LMBR1: variants seen among roughly 807,000 people sequenced by gnomAD.
The protein encoded by LMBR1 is limb development membrane protein 1, also known as limb region 1 protein homolog.
In LMBR1, 52 loss-of-function variants were observed where a neutral mutation model predicts 73.9. That is an observed-to-expected ratio of 0.70 (90% CI 0.56 to 0.89). The LOEUF is 0.89. LMBR1 is among the 40% of genes least tolerant of loss of function. The pLI is 0.00. For missense variants in LMBR1, 539 were observed against 579.8 expected (o/e 0.93, Z 0.72); for synonymous variants, 215 against 209.4 (o/e 1.03, Z -0.23).
At chr7:156,861,852 G>A (rs1239379978) in intron 1 of LMBR1, among the ~76,000 whole-genome samples, 1 of 152,126 alleles carries the variant, frequency 6.6e-6, no homozygotes, top group East Asian at 1.9e-4. Flanking sequence ...CTCCATCTGA[G>A]ACCACCTCTG....
In LMBR1 at chr7:156,722,607, T is replaced by C. The variant is rs77574662; in HGVS notation, c.1225+1505A>G. Among the ~76,000 whole-genome samples the C allele has an allele frequency of 3.8e-3, 577 of 152,288 alleles. 4 individuals carry two copies. Among genetic ancestry groups the C allele is most frequent in the Non-Finnish European group, 6.8e-3 (459 of 67,994 alleles). On this transcript the variant is annotated intron_variant, in intron 15 of 16. Transcript: ENST00000353442. ...ATGTAATGCAGTGCGTGTTGATATT[T>C]TGCAAAGCACCACATGACTCACTGT...
intron 4 of LMBR1, among the ~76,000 whole-genome samples, chr7:156,820,760 C>G (rs1834652421): frequency 1.3e-5 from 2 of 152,172 alleles, no homozygotes; most frequent in African/African-American, 4.8e-5. Flanking sequence ...ACTGAGCGGC[C>G]TGAAAAGCTG....
intron 1 of LMBR1, among the ~76,000 whole-genome samples, chr7:156,873,911 C>T (rs1475868351): frequency 6.6e-6 from 1 of 152,278 alleles, no homozygotes. Context: ...TCTCCACATC[C>T]CCACCAGACT....
chr7:156,687,411 T>C (rs769694336), intron 16 of LMBR1, among the ~76,000 whole-genome samples: 22 of 152,322 alleles, frequency 1.4e-4, no homozygotes, highest in Admixed American at 3.3e-4. Context: ...TTAGCACTAA[T>C]GTGGAAATAA....
chr7:156,797,574 T>C lies in LMBR1; in HGVS notation c.320-1082A>G, dbSNP rs913323071. 5.9e-5 allele frequency among the ~76,000 whole-genome samples: 9 copies of C among 152,354 alleles called. No individual in the cohort carries two copies. In the East Asian group the frequency reaches 1.3e-3, roughly 23 times the overall value. Reference sequence around the variant, plus strand: ...GAGCTGCTCACGCTGCAGAGCTGCATGCAGAGACTACCTCTGAGCTGGCAG... The same window carrying C: ...GAGCTGCTCACGCTGCAGAGCTGCACGCAGAGACTACCTCTGAGCTGGCAG... On this transcript the variant is annotated intron_variant, in intron 4 of 16. Coordinates refer to ENST00000353442, the MANE Select transcript of LMBR1 (RefSeq NM_022458.4).
At chr7:156,737,550 A>C (rs569521943) in intron 9 of LMBR1, among the ~76,000 whole-genome samples, 30 of 152,298 alleles carry the variant, frequency 2.0e-4, no homozygotes, top group African/African-American at 6.7e-4. Context: ...TAAGTTGGAC[A>C]CTGGATCTCC....
chr7:156,838,181 AAGCTAATT>A (rs142912641), intron 1 of LMBR1, among the ~76,000 whole-genome samples: 1,859 of 152,336 alleles, frequency 0.012, 16 homozygotes, highest in Non-Finnish European at 0.019. Context: ...TGGCTCAATC[AAGCTAATT>A]AGCATACTCA....
chr7:156,674,660 C>T (rs77959650), downstream of LMBR1, among the ~76,000 whole-genome samples: 127 of 152,082 alleles, frequency 8.4e-4, 4 homozygotes, highest in East Asian at 0.018. Context: ...GGTGACAGAG[C>T]GAGATGCTGT....
At position 156,828,036 on chromosome 7, in the gene LMBR1, G is replaced by A. The variant is rs555077155; in HGVS notation, c.180-1292C>T. ...CTCTGGCAGCGACCAGCCAGCAAGC[G>A]GTCTCCAGCAAGCTTCTCCAGTCAT... On this transcript the variant is annotated intron_variant, in intron 3 of 16. Coordinates refer to ENST00000353442, the MANE Select transcript of LMBR1 (RefSeq NM_022458.4). Among the ~76,000 whole-genome samples, 14 of 152,284 alleles carry A rather than the reference G, an allele frequency of 9.2e-5. No homozygotes were observed. The South Asian group carries it at 2.1e-3, about 23-fold the overall frequency.
At position 156,789,277 on chromosome 7, in the gene LMBR1, TG is replaced by T. The variant is rs1208166717; in HGVS notation, c.423+7111del. ...CATACATATTTTTTAATGTTTCGGT[TG>T]CTTTAGAATTCAGTCACTTCAGAAC... On this transcript the variant is annotated intron_variant, in intron 5 of 16. Transcript: ENST00000353442. Among the ~76,000 whole-genome samples the T allele has an allele frequency of 4.3e-4, 66 of 152,320 alleles. 1 individual carries two copies. Among genetic ancestry groups the T allele is most frequent in the African/African-American group, 1.5e-3 (63 of 41,574 alleles).
chr7:156,722,237 C>A (rs1345292167), intron 15 of LMBR1, among the ~76,000 whole-genome samples: 1 of 151,984 alleles, frequency 6.6e-6, no homozygotes, highest in South Asian at 2.1e-4. Context: ...TTGAGAGAGG[C>A]GACAAGAAAG....
intron 1 of LMBR1, among the ~76,000 whole-genome samples, chr7:156,884,832 C>T (rs1801625066): frequency 6.6e-6 from 1 of 152,214 alleles, no homozygotes; most frequent in Non-Finnish European, 1.5e-5. Context: ...TTGGTTCCCA[C>T]CTTCTGCCCA....
At chr7:156,810,903 C>A (rs143681021) in intron 4 of LMBR1, among the ~76,000 whole-genome samples, 15 of 151,672 alleles carry the variant, frequency 9.9e-5, no homozygotes, top group African/African-American at 3.4e-4. Context: ...CCACCTCTCC[C>A]GGGTTCAAGC....
At chr7:156,756,948 C>T (rs1465337841) in intron 8 of LMBR1, among the ~76,000 whole-genome samples, 2 of 152,138 alleles carry the variant, frequency 1.3e-5, no homozygotes, top group African/African-American at 2.4e-5. Context: ...TCCCTAGTAG[C>T]TGGAACTACA....
chr7:156,727,439 G>A (rs900650287), intron 12 of LMBR1, among the ~76,000 whole-genome samples: 1 of 152,118 alleles, frequency 6.6e-6, no homozygotes, highest in African/African-American at 2.4e-5. Context: ...GTGGGTTTGG[G>A]TATAAAACTA....
intron 9 of LMBR1, among the ~76,000 whole-genome samples, chr7:156,741,588 T>C (rs1818900717): frequency 6.6e-6 from 1 of 152,126 alleles, no homozygotes; most frequent in Non-Finnish European, 1.5e-5. Context: ...AAGGGGTCAA[T>C]TCTGCAAAAG....
chr7:156,865,381 G>A (rs1200322204), intron 1 of LMBR1, among the ~76,000 whole-genome samples: 2 of 152,076 alleles, frequency 1.3e-5, no homozygotes, highest in Non-Finnish European at 2.9e-5. Flanking sequence ...AACAAAAGAG[G>A]AGTCAAACTT....
intron 5 of LMBR1, among the ~76,000 whole-genome samples, chr7:156,769,973 G>A (rs991494016): frequency 8.5e-5 from 13 of 152,192 alleles, no homozygotes; most frequent in East Asian, 3.9e-4. Context: ...GAATGCTTAC[G>A]GCCCATGCAG....
intron 9 of LMBR1, among the ~76,000 whole-genome samples, chr7:156,740,712 C>T (rs561996872): frequency 6.6e-6 from 1 of 152,282 alleles, no homozygotes; most frequent in East Asian, 1.9e-4. Context: ...TGAGGCATTT[C>T]ATCAACACTA....
Sources: gnomAD v4.1 joint callset for allele counts (sites outside exome capture counted in the v4.1 genomes callset) on GRCh38, gnomAD v4.1.1 for gene constraint, MANE v1.5 for transcripts, NCBI Gene and HGNC (gene_info 2026-07-23, HGNC 2026-07-21) for gene names.